Variants in NXPE1 observed in about 807,000 individuals in gnomAD.
NXPE1 encodes NXPE family member 1.
A neutral mutation model predicts 33.3 loss-of-function variants in NXPE1; 31 were observed. The observed-to-expected ratio is 0.93, with a 90% CI of 0.70 to 1.26. NXPE1 has a LOEUF of 1.26. Ranked by LOEUF, NXPE1 falls within the 50% of genes most tolerant of loss-of-function variation. The pLI, the probability that NXPE1 is intolerant of heterozygous loss-of-function variation, is 0.00. For missense variants in NXPE1, 661 were observed against 655.6 expected (o/e 1.01, Z -0.09); for synonymous variants, 229 against 231.4 (o/e 0.99, Z 0.09).
chr11:114,557,350 C>T (rs1420660369), intron 1 of NXPE1, among the ~76,000 whole-genome samples: 1 of 151,886 alleles, frequency 6.6e-6, no homozygotes, highest in Non-Finnish European at 1.5e-5. Flanking sequence ...TAAATTGGTA[C>T]TTTTACTAAT....
downstream of NXPE1, among the ~76,000 whole-genome samples, chr11:114,519,602 A>G (rs1220345910): frequency 1.3e-5 from 2 of 152,234 alleles, no homozygotes; most frequent in Non-Finnish European, 2.9e-5. Flanking sequence ...AAATAATTCA[A>G]TCTGGTTTTA....
intron 5 of NXPE1, among the ~76,000 whole-genome samples, chr11:114,542,780 AT>A (rs921272925): frequency 1.3e-5 from 2 of 152,234 alleles, no homozygotes; most frequent in Non-Finnish European, 2.9e-5. Context: ...ATGGATTAAA[AT>A]AAACATAATC....
At chr11:114,520,471 T>C (rs1475019723), downstream of NXPE1, among the ~76,000 whole-genome samples, 1 of 152,234 alleles carries the variant, frequency 6.6e-6, no homozygotes, top group Non-Finnish European at 1.5e-5. Flanking sequence ...CTGAATGATA[T>C]TCCATTGTAC....
At position 114,545,445 on chromosome 11, in the gene NXPE1, A is replaced by G. The variant is rs115369687; in HGVS notation, c.99+5658T>C. On this transcript the variant is annotated intron_variant, in intron 5 of 8. Coordinates refer to ENST00000534921, the Ensembl canonical transcript of NXPE1. ...AGGTGAATCTTAAATGCATAATGCTAAGAGAAAGAAGCCCATCTGAAAAGG... is the reference window on the plus strand; with the variant it reads ...AGGTGAATCTTAAATGCATAATGCTGAGAGAAAGAAGCCCATCTGAAAAGG... 5.2e-4 allele frequency among the ~76,000 whole-genome samples: 79 copies of G among 152,308 alleles called. 2 individuals carry two copies. The highest frequency in any genetic ancestry group is 1.9e-3 in the African/African-American group (78 of 41,560).
chr11:114,539,086 T>G lies in NXPE1; in HGVS notation c.100-8178A>C, dbSNP rs567852857. ...TAAGAAAATGTGGCACATATACACA[T>G]GGAATACTATGCAGCCATAAAAAAT... On this transcript the variant is annotated intron_variant, in intron 5 of 8. Transcript: ENST00000534921. 7.2e-5 allele frequency among the ~76,000 whole-genome samples: 11 copies of G among 152,268 alleles called. No homozygotes were observed. The South Asian group carries it at 2.3e-3, about 32-fold the overall frequency.
intron 5 of NXPE1, among the ~76,000 whole-genome samples, chr11:114,550,852 A>G (rs1348252955): frequency 6.6e-6 from 1 of 152,214 alleles, no homozygotes; most frequent in Non-Finnish European, 1.5e-5. Context: ...GGTAGCTTTA[A>G]CAAGGGCCAT....
rs12292536 is a variant in NXPE1, at chr11:114,527,723, G to A, written c.895+117C>T. The A allele has an allele frequency of 6.1e-3, 3,730 of 612,814 alleles. 88 individuals are homozygous for A. The highest frequency in any genetic ancestry group is 0.057 in the African/African-American group (3,062 of 53,456). The allele number at this position is 612,814 out of a possible 1,614,324, so 38.0% of individuals were successfully genotyped here. A position where few individuals can be genotyped will look rare whatever the true frequency, so the allele number is the denominator to read the frequency against. On this transcript the variant is annotated intron_variant, in intron 7 of 8. Coordinates refer to ENST00000534921, the Ensembl canonical transcript of NXPE1. ...CATTTCTCCCTTTAAAGTCCAGCAT[G>A]ATTGACATCATAGACATCTGCTAGG...
chr11:114,553,544 T>C (rs1948575054), intron 1 of NXPE1: 1 of 204,014 alleles, frequency 4.9e-6, no homozygotes, highest in Admixed American at 6.5e-5. Flanking sequence ...CCCCATCCTC[T>C]ATACCATGCT....
intron 5 of NXPE1, among the ~76,000 whole-genome samples, chr11:114,542,716 A>G (rs1279624174): frequency 6.6e-6 from 1 of 152,168 alleles, no homozygotes; most frequent in East Asian, 1.9e-4. Context: ...AATATTGCTC[A>G]TTAGAGGGAA....
chr11:114,549,274 A>G (rs1351074931), intron 5 of NXPE1, among the ~76,000 whole-genome samples: 1 of 152,076 alleles, frequency 6.6e-6, no homozygotes, highest in Admixed American at 6.6e-5. Flanking sequence ...ATTCTTACGA[A>G]ATAAGTATAA....
chr11:114,540,570 A>AT (rs1256593510), intron 5 of NXPE1, among the ~76,000 whole-genome samples: 5 of 151,566 alleles, frequency 3.3e-5, no homozygotes, highest in Non-Finnish European at 5.9e-5. Context: ...ATGGGAAATA[A>AT]TTTTTTTTTA....
At chr11:114,525,551 T>C (rs1233576899) in intron 7 of NXPE1, among the ~76,000 whole-genome samples, 1 of 152,092 alleles carries the variant, frequency 6.6e-6, no homozygotes, top group African/African-American at 2.4e-5. Context: ...CAAGTTTTTC[T>C]CATTCAGCTT....
intron 5 of NXPE1, among the ~76,000 whole-genome samples, chr11:114,536,706 C>G (rs1370213683): frequency 2.0e-5 from 3 of 152,178 alleles, no homozygotes; most frequent in African/African-American, 7.2e-5. Flanking sequence ...TTCCTTGACA[C>G]ATACACTCTC....
At chr11:114,528,646 A>G (rs1282577195) in intron 6 of NXPE1, 4 of 448,934 alleles carry the variant, frequency 8.9e-6, no homozygotes, top group African/African-American at 1.9e-5. Context: ...CTTTCCTCCA[A>G]TTGATGAAAG....
intron 2 of NXPE1, among the ~76,000 whole-genome samples, chr11:114,552,306 G>C (rs61904880): frequency 0.25 from 37,533 of 151,922 alleles, 4,853 homozygotes; most frequent in East Asian, 0.43. Flanking sequence ...AATGAATACA[G>C]AAGAGAAGAC....
chr11:114,530,191 T>A, exon 6 of NXPE1: 1 of 1,606,660 alleles, frequency 6.2e-7, no homozygotes, highest in Non-Finnish European at 8.5e-7. Flanking sequence ...AAAAGGCTGT[T>A]TTCCTTGTCT....
At chr11:114,538,422 G>A (rs895314201) in intron 5 of NXPE1, among the ~76,000 whole-genome samples, 3 of 152,108 alleles carry the variant, frequency 2.0e-5, no homozygotes, top group South Asian at 2.1e-4. Flanking sequence ...AGCCAAAATT[G>A]ACAAATGGGA....
chr11:114,534,835 G>A lies in NXPE1; in HGVS notation c.100-3927C>T, dbSNP rs1046643774. On this transcript the variant is annotated intron_variant, in intron 5 of 8. Coordinates refer to ENST00000534921, the Ensembl canonical transcript of NXPE1. ...GTACCTGAAAGTGACGGGGAGAATG[G>A]AACCAAGTTGGAAAACACTCTGCAG... Among the ~76,000 whole-genome samples, 4 of 152,166 alleles carry A rather than the reference G, an allele frequency of 2.6e-5. No homozygotes were observed. In the South Asian group the frequency reaches 8.3e-4, roughly 32 times the overall value.
chr11:114,527,746 A>G, intron 7 of NXPE1, 94 bp downstream of exon 7: 1 of 752,648 alleles, frequency 1.3e-6, no homozygotes, highest in Non-Finnish European at 2.1e-6. Flanking sequence ...GACATCTGCT[A>G]GGAATTGTGC....
Sources: gnomAD v4.1 joint callset for allele counts (sites outside exome capture counted in the v4.1 genomes callset) on GRCh38, gnomAD v4.1.1 for gene constraint, MANE v1.5 for transcripts, NCBI Gene and HGNC (gene_info 2026-07-23, HGNC 2026-07-21) for gene names.